Variants in ZC3H7B observed in about 807,000 individuals in gnomAD.
The protein encoded by ZC3H7B is zinc finger CCCH-type containing 7B.
Under a neutral mutation model 116.0 loss-of-function variants are expected in ZC3H7B, and 35 were observed. The observed-to-expected ratio is 0.30, with a 90% CI of 0.23 to 0.40. The LOEUF (loss-of-function observed/expected upper bound fraction) is 0.40. Among genes scored for constraint, ZC3H7B ranks in the 10% least tolerant of loss-of-function variants. The probability of loss-of-function intolerance (pLI) is 1.00; values close to 1 mark genes in which losing one functional copy is unlikely to be tolerated. For missense variants in ZC3H7B, 1,011 were observed against 1,321.5 expected (o/e 0.77, Z 3.64); for synonymous variants, 502 against 545.6 (o/e 0.92, Z 1.11).
intron 13 of ZC3H7B, among the ~76,000 whole-genome samples, chr22:41,345,274 G>T (rs1044497377): frequency 4.6e-5 from 7 of 151,850 alleles, no homozygotes; most frequent in African/African-American, 1.7e-4. Context: ...TCTTTTCCTG[G>T]TGAATAATTA....
At chr22:41,326,802 C>T (rs948581599) in intron 4 of ZC3H7B, among the ~76,000 whole-genome samples, 24 of 152,354 alleles carry the variant, frequency 1.6e-4, no homozygotes, top group African/African-American at 5.8e-4. Context: ...AGGGTTAACC[C>T]TTGTACACTC....
intron 7 of ZC3H7B, among the ~76,000 whole-genome samples, chr22:41,337,758 C>T (rs1309977449): frequency 1.3e-5 from 2 of 152,212 alleles, no homozygotes; most frequent in East Asian, 3.9e-4. Context: ...CTCAACCACC[C>T]CTCCCTAGAG....
At chr22:41,322,398 G>T (rs2036269421) in intron 2 of ZC3H7B, among the ~76,000 whole-genome samples, 1 of 151,288 alleles carries the variant, frequency 6.6e-6, no homozygotes, top group African/African-American at 2.4e-5. Flanking sequence ...ATGTTGGTCA[G>T]GTTGGTCTTG....
chr22:41,321,467 G>A (rs902297082), intron 2 of ZC3H7B, among the ~76,000 whole-genome samples: 9 of 151,782 alleles, frequency 5.9e-5, no homozygotes, highest in South Asian at 2.1e-4. Flanking sequence ...CACCCACCTC[G>A]GCCTCCCAAA....
At chr22:41,310,379 A>G (rs2036102393) in intron 1 of ZC3H7B, among the ~76,000 whole-genome samples, 1 of 152,184 alleles carries the variant, frequency 6.6e-6, no homozygotes, top group Non-Finnish European at 1.5e-5. Context: ...CCCAGATGAC[A>G]AAACTGAGGC....
In ZC3H7B at chr22:41,346,692, T is replaced by C. The variant is rs2145936120; in HGVS notation, c.1665+484T>C. On this transcript the variant is annotated intron_variant, in intron 14 of 22. Coordinates refer to ENST00000352645, the MANE Select transcript of ZC3H7B (RefSeq NM_017590.6). This position sits in a 1 kb window ranked among gnomAD's most constrained non-coding sequence, Gnocchi z 5.3. ...TTAGCTGGGCGTTGTGGTGCACGCC[T>C]GTAGTCCCAGCTAGTTGGGAGGCTG... is the stretch of plus-strand genomic sequence containing the variant. Among the ~76,000 whole-genome samples the C allele has an allele frequency of 6.6e-6, 1 of 152,254 alleles. No homozygotes were observed. Among genetic ancestry groups the C allele is most frequent in the African/African-American group, 2.4e-5 (1 of 41,546 alleles).
At chr22:41,330,929 C>G (rs550399492) in intron 6 of ZC3H7B, among the ~76,000 whole-genome samples, 3 of 137,916 alleles carry the variant, frequency 2.2e-5, no homozygotes, top group Non-Finnish European at 3.0e-5. Context: ...AGTGCAGTGG[C>G]GCGATCTCAG....
intron 18 of ZC3H7B, 51 bp from the exon 19 acceptor site, chr22:41,355,706 C>T (rs370310848): frequency 4.5e-5 from 72 of 1,612,258 alleles, no homozygotes; most frequent in African/African-American, 5.3e-5. Context: ...AGAGGTCACA[C>T]AGCACACAGG....
chr22:41,323,896 C>T (rs1484708254), intron 2 of ZC3H7B, among the ~76,000 whole-genome samples: 1 of 152,162 alleles, frequency 6.6e-6, no homozygotes, highest in Non-Finnish European at 1.5e-5. Context: ...TGGTGAAACC[C>T]TGTCTCTACT....
In ZC3H7B at chr22:41,349,056, C is replaced by T. The variant is rs1439227912; in HGVS notation, c.1767-64C>T. On this transcript the variant is annotated intron_variant, in intron 15 of 22. Coordinates refer to ENST00000352645, the MANE Select transcript of ZC3H7B (RefSeq NM_017590.6). The surrounding 1 kb of genome is among the most constrained non-coding windows in gnomAD (Gnocchi z 4.9). ...GCCTGGCACTGGGAAGGTGGCCCTA[C>T]CAGGAGAGAAGGTCAGAGGGGCTGC... is the stretch of plus-strand genomic sequence containing the variant. The T allele has an allele frequency of 1.3e-6, 2 of 1,555,646 alleles. No homozygotes were observed. The highest frequency in any genetic ancestry group is 2.7e-5 in the African/African-American group (2 of 73,868).
chr22:41,336,878 G>T (rs2036455505), intron 7 of ZC3H7B: 1 of 151,554 alleles, frequency 6.6e-6, no homozygotes, highest in Non-Finnish European at 1.5e-5. Flanking sequence ...GCTCAGGCCT[G>T]TAATCCCAGC....
intron 2 of ZC3H7B, among the ~76,000 whole-genome samples, chr22:41,325,116 A>T (rs1020075245): frequency 6.6e-6 from 1 of 151,942 alleles, no homozygotes; most frequent in Admixed American, 6.6e-5. Context: ...GCTTTCCTTT[A>T]GGAGAGGGCT....
chr22:41,316,694 G>T (rs2036187929), intron 1 of ZC3H7B, among the ~76,000 whole-genome samples: 1 of 149,500 alleles, frequency 6.7e-6, no homozygotes, highest in South Asian at 2.1e-4. Context: ...AACTTCCTGG[G>T]CTCAGTTAGT....
At chr22:41,343,246 T>C (rs1285236883) in intron 12 of ZC3H7B, among the ~76,000 whole-genome samples, 169 bp from the exon 13 acceptor site, 2 of 152,066 alleles carry the variant, frequency 1.3e-5, no homozygotes, top group African/African-American at 4.8e-5. Flanking sequence ...TCCCCCGGTC[T>C]CCAGGGAGCA....
At chr22:41,309,231 C>T (rs1401764410) in intron 1 of ZC3H7B, among the ~76,000 whole-genome samples, 15 of 151,730 alleles carry the variant, frequency 9.9e-5, no homozygotes, top group Non-Finnish European at 1.8e-4. Flanking sequence ...AGGATGGTCT[C>T]GATCTCCTGA....
intron 5 of ZC3H7B, among the ~76,000 whole-genome samples, chr22:41,329,317 G>A (rs1319648060): frequency 2.0e-5 from 3 of 148,562 alleles, no homozygotes; most frequent in South Asian, 2.1e-4. Flanking sequence ...GGAGTGCAGC[G>A]GCGCAGTCTT....
rs905189346 is a variant in ZC3H7B at position 41,329,031 on chromosome 22, CAAAA to C, written c.445-970_445-967del. Among the ~76,000 whole-genome samples the C allele has an allele frequency of 0.011, 425 of 40,466 alleles. 2 individuals carry two copies. In the Middle Eastern group the frequency reaches 0.14, roughly 14 times the overall value. The allele number at this position is 40,466 out of a possible 152,430, so 26.5% of individuals were successfully genotyped here. On this transcript the variant is annotated intron_variant, in intron 5 of 22. Coordinates refer to ENST00000352645, the MANE Select transcript of ZC3H7B (RefSeq NM_017590.6). ...GTGAAACCCTGTCTCTACTAAAATA[CAAAA>C]AAAAAAAAAAAAAAAAAAAAATTAG... is the stretch of plus-strand genomic sequence containing the variant.
In ZC3H7B at chr22:41,349,091, C is replaced by T. The variant is rs200464956; in HGVS notation, c.1767-29C>T. The T allele has an allele frequency of 6.8e-6, 11 of 1,609,922 alleles. No homozygotes were observed. Among genetic ancestry groups the T allele is most frequent in the Non-Finnish European group, 8.5e-6 (10 of 1,178,152 alleles). ...AGGTCAGAGGGGCTGCGGACTGCAT[C>T]GTGCCCCTCCTGCCTGCCCGCCCGC... On this transcript the variant is annotated intron_variant, in intron 15 of 22. Coordinates refer to ENST00000352645, the MANE Select transcript of ZC3H7B (RefSeq NM_017590.6). This position sits in a 1 kb window ranked among gnomAD's most constrained non-coding sequence, Gnocchi z 4.9.
chr22:41,348,974 C>T lies in ZC3H7B; in HGVS notation c.1767-146C>T, dbSNP rs113300558. 4,236 of 893,130 alleles carry T rather than the reference C, an allele frequency of 4.7e-3. 136 individuals carry two copies. The African/African-American group carries it at 0.062, about 13-fold the overall frequency. The allele number at this position is 893,130 out of a possible 1,614,324, so 55.3% of individuals were successfully genotyped here. ...TGAGCATAGGAGCCCTGTTTCTGCC[C>T]TCCTGTGTCATCCATGGCCTGGATT... On this transcript the variant is annotated intron_variant, in intron 15 of 22. Transcript: ENST00000352645.
Sources: gnomAD v4.1 joint callset for allele counts (sites outside exome capture counted in the v4.1 genomes callset) on GRCh38, gnomAD v4.1.1 for gene constraint, Gnocchi (gnomAD v3.1) non-coding constraint, MANE v1.5 for transcripts, NCBI Gene and HGNC (gene_info 2026-07-23, HGNC 2026-07-21) for gene names.